The following PADI3 variants were observed in gnomAD, a reference collection of about 807,000 sequenced individuals.
PADI3 encodes the protein protein-arginine deiminase type-3.
In PADI3, 53 loss-of-function variants were observed where a neutral mutation model predicts 71.5. That is an observed-to-expected ratio of 0.74 (90% confidence interval 0.59 to 0.93). The LOEUF is 0.93. Among genes scored for constraint, PADI3 ranks in the 40% least tolerant of loss-of-function variants. The pLI is 0.00. For synonymous variants in PADI3, 361 were observed against 347.5 expected (o/e 1.04, Z -0.43); for missense variants, 821 against 868.0 (o/e 0.95, Z 0.68).
intron 1 of PADI3, among the ~76,000 whole-genome samples, chr1:17,253,680 G>A (rs941502301): frequency 1.3e-5 from 2 of 152,232 alleles, no homozygotes; most frequent in Non-Finnish European, 2.9e-5. Flanking sequence ...TAGGTTTTCA[G>A]GATCCGCTGG....
intron 7 of PADI3, among the ~76,000 whole-genome samples, chr1:17,270,623 G>T (rs530306425): frequency 6.6e-6 from 1 of 151,972 alleles, no homozygotes; most frequent in African/African-American, 2.4e-5. Flanking sequence ...GCACTCCACA[G>T]CCTGGGCAAC....
chr1:17,267,162 A>G (rs1569896789), intron 5 of PADI3, among the ~76,000 whole-genome samples: 1 of 152,228 alleles, frequency 6.6e-6, no homozygotes, highest in East Asian at 1.9e-4. Flanking sequence ...TTCTCATTGA[A>G]TCATCCAAGT....
chr1:17,270,025 C>A (rs561419565), intron 6 of PADI3, among the ~76,000 whole-genome samples: 1 of 152,086 alleles, frequency 6.6e-6, no homozygotes, highest in Non-Finnish European at 1.5e-5. Flanking sequence ...AAGGTATGAG[C>A]GCCAGTCTTA....
intron 1 of PADI3, among the ~76,000 whole-genome samples, chr1:17,250,361 C>T (rs913942834): frequency 2.6e-5 from 4 of 152,210 alleles, no homozygotes; most frequent in African/African-American, 7.2e-5. Context: ...ACCAGCAGCA[C>T]ACTCCCGAGT....
chr1:17,259,620 G>C lies in PADI3; in HGVS notation c.135G>C (p.Thr45=). 1.2e-6 allele frequency: 2 copies of C among 1,612,822 alleles called. No homozygotes were observed. Among genetic ancestry groups the C allele is most frequent in the Non-Finnish European group, 8.5e-7 (1 of 1,179,210 alleles). Residue 45 remains threonine (T), a synonymous_variant, in exon 2 of 16, where the codon ACG becomes ACC. Coordinates refer to ENST00000375460, the MANE Select transcript of PADI3 (RefSeq NM_016233.2). ...EGTEMFEVYG[T]PGVDIYISPN... ...CAGAAATGTTTGAGGTCTATGGGAC[G>C]CCTGGCGTGGACATCTACATCTCTC...
At chr1:17,268,573 C>T (rs1184666832) in intron 6 of PADI3, among the ~76,000 whole-genome samples, 2 of 133,756 alleles carry the variant, frequency 1.5e-5, no homozygotes, top group African/African-American at 5.7e-5. Flanking sequence ...AGTGGCGTGA[C>T]CTCGGGTCAC....
intron 3 of PADI3, among the ~76,000 whole-genome samples, chr1:17,264,310 C>T (rs1274842841): frequency 6.7e-6 from 1 of 148,584 alleles, no homozygotes; most frequent in Non-Finnish European, 1.5e-5. Context: ...ATTTTACATA[C>T]ATATGTGCAT....
At chr1:17,256,426 G>A (rs780744966) in intron 1 of PADI3, among the ~76,000 whole-genome samples, 3 of 152,194 alleles carry the variant, frequency 2.0e-5, no homozygotes, top group Admixed American at 6.5e-5. Flanking sequence ...CTGAGCCCTC[G>A]GCTTGCAGCC....
intron 11 of PADI3, among the ~76,000 whole-genome samples, chr1:17,275,487 ACAGTCCTGGGAGAAAATG>A (rs1334282488): frequency 6.6e-6 from 1 of 151,468 alleles, no homozygotes; most frequent in East Asian, 1.9e-4. Context: ...TCCATTCCCA[ACAGTCCTGGGAGAAAATG>A]CATTTAGGTC....
chr1:17,281,455 T>TC (rs1346454836), intron 15 of PADI3, among the ~76,000 whole-genome samples: 16 of 150,958 alleles, frequency 1.1e-4, no homozygotes, highest in African/African-American at 3.9e-4. Flanking sequence ...TTTTTCTTTT[T>TC]TTTTTTTTGA....
At chr1:17,282,472 A>G (rs1450640149) in intron 15 of PADI3, among the ~76,000 whole-genome samples, 1 of 152,158 alleles carries the variant, frequency 6.6e-6, no homozygotes, top group African/African-American at 2.4e-5. Flanking sequence ...TCCCATTGTC[A>G]GTTTCAAATT....
At chr1:17,262,079 G>A in intron 2 of PADI3, 54 bp from the exon 3 acceptor site, 2 of 1,509,116 alleles carry the variant, frequency 1.3e-6, no homozygotes, top group Non-Finnish European at 1.8e-6. Context: ...GCTATCTTTT[G>A]GGGCGGGAGC....
At chr1:17,274,443 G>A (rs533896286) in intron 10 of PADI3, among the ~76,000 whole-genome samples, 192 bp from the exon 11 acceptor site, 1 of 152,340 alleles carries the variant, frequency 6.6e-6, no homozygotes, top group South Asian at 2.1e-4. Context: ...AGCACTTCCC[G>A]ACTTTGCCTG....
At chr1:17,268,150 A>G (rs4262594) in intron 6 of PADI3, among the ~76,000 whole-genome samples, 188 bp downstream of exon 6, 45,115 of 152,190 alleles carry the variant, frequency 0.3, 6,970 homozygotes, top group African/African-American at 0.38. Flanking sequence ...TGGTGCCCCC[A>G]GCACAACACC....
chr1:17,266,892 C>CA, intron 5 of PADI3, 56 bp downstream of exon 5: 1 of 1,320,536 alleles, frequency 7.6e-7, no homozygotes, highest in South Asian at 1.2e-5. Flanking sequence ...TCAGTTACCC[C>CA]ATGGGAGTTC....
At chr1:17,266,926 GC>G in intron 5 of PADI3, 90 bp downstream of exon 5, 1 of 998,328 alleles carries the variant, frequency 1.0e-6, no homozygotes, top group Non-Finnish European at 1.6e-6. Flanking sequence ...AGACTCTGAG[GC>G]CAGAGTCCAG....
At chr1:17,275,253 G>A (rs545264243) in intron 11 of PADI3, among the ~76,000 whole-genome samples, 3 of 149,262 alleles carry the variant, frequency 2.0e-5, no homozygotes, top group African/African-American at 7.4e-5. Context: ...GGCTAACATG[G>A]TGAAACTCCG....
At chr1:17,265,306 T>G (rs2073153169) in intron 3 of PADI3, among the ~76,000 whole-genome samples, 2 of 152,042 alleles carry the variant, frequency 1.3e-5, no homozygotes, top group African/African-American at 4.8e-5. Context: ...AGTCCAGGCT[T>G]GCTACCCCAT....
intron 15 of PADI3, 47 bp downstream of exon 15, chr1:17,280,843 T>G (rs368361494): frequency 6.2e-7 from 1 of 1,604,828 alleles, no homozygotes; most frequent in Non-Finnish European, 8.5e-7. Flanking sequence ...GCTGCAAACC[T>G]CTAAGCTCGA....
Sources: allele counts gnomAD v4.1 joint callset (sites outside exome capture counted in the v4.1 genomes callset), GRCh38; gene constraint gnomAD v4.1.1; transcripts MANE v1.5; gene names NCBI Gene and HGNC (gene_info 2026-07-23, HGNC 2026-07-21).